The following NCKAP5 variants were observed in gnomAD, a reference collection of about 807,000 sequenced individuals.
The protein encoded by NCKAP5 is NCK associated protein 5.
A neutral mutation model predicts 167.0 loss-of-function variants in NCKAP5; 92 were observed. The ratio of observed to expected loss-of-function variants is 0.55; its 90% CI spans 0.47 to 0.66. NCKAP5 has a LOEUF of 0.66. NCKAP5 is among the 30% of genes least tolerant of loss of function. NCKAP5 has a pLI of 0.00. For missense variants in NCKAP5, 2,378 were observed against 2,315.0 expected (o/e 1.03, Z -0.56); for synonymous variants, 891 against 877.4 (o/e 1.02, Z -0.27).
At chr2:132,834,468 C>G (rs1288867181) in intron 11 of NCKAP5, among the ~76,000 whole-genome samples, 1 of 152,186 alleles carries the variant, frequency 6.6e-6, no homozygotes, top group African/African-American at 2.4e-5. Flanking sequence ...CCTCAGCCTC[C>G]CGAGTACCTG....
chr2:133,550,439 C>T (rs1687188715), intron 2 of NCKAP5, among the ~76,000 whole-genome samples: 1 of 151,684 alleles, frequency 6.6e-6, no homozygotes, highest in Admixed American at 6.6e-5. Context: ...AAGTCTGGTT[C>T]AATATATGCA....
intron 11 of NCKAP5, among the ~76,000 whole-genome samples, chr2:132,844,349 C>T (rs1290608147): frequency 1.3e-5 from 2 of 152,092 alleles, no homozygotes; most frequent in African/African-American, 4.8e-5. Flanking sequence ...AAGAATTCTA[C>T]AAGAAAGATA....
intron 15 of NCKAP5, among the ~76,000 whole-genome samples, chr2:132,774,455 G>C (rs1434058645): frequency 6.6e-6 from 1 of 151,856 alleles, no homozygotes; most frequent in South Asian, 2.1e-4. Context: ...CAGTGAACCA[G>C]AGCAGTGAGT....
chr2:133,550,052 A>T, intron 2 of NCKAP5, among the ~76,000 whole-genome samples: 1 of 151,652 alleles, frequency 6.6e-6, no homozygotes, highest in Non-Finnish European at 1.5e-5. Flanking sequence ...ACCAGGAAGA[A>T]GTTGAATCTC....
chr2:132,732,066 C>T lies in NCKAP5; in HGVS notation c.5129-15G>A, dbSNP rs761794980. The T allele has an allele frequency of 1.3e-6, 2 of 1,595,804 alleles. No individual in the cohort carries two copies. Among genetic ancestry groups the T allele is most frequent in the Admixed American group, 3.4e-5 (2 of 58,504 alleles). On this transcript the variant is annotated splice_polypyrimidine_tract_variant and intron_variant, in intron 16 of 19. Transcript: ENST00000409261. ...GCAGTTGGATTCTGAGATAGAGAGACAGAGAGAGAAGGGAATAGAGAAGGC... is the reference window on the plus strand; with the variant it reads ...GCAGTTGGATTCTGAGATAGAGAGATAGAGAGAGAAGGGAATAGAGAAGGC...
chr2:133,633,592 CA>C, the NCKAP5 span, among the ~76,000 whole-genome samples: 1 of 152,348 alleles, frequency 6.6e-6, no homozygotes, highest in African/African-American at 2.4e-5. Context: ...AGGTAGCCTT[CA>C]TGAAGCGGTT....
chr2:133,033,241 G>T (rs1466151863), intron 6 of NCKAP5, among the ~76,000 whole-genome samples: 2 of 152,170 alleles, frequency 1.3e-5, no homozygotes, highest in Non-Finnish European at 1.5e-5. Flanking sequence ...ATTTTCCTGG[G>T]TCTTAATTAA....
chr2:132,861,083 G>A (rs922923024), intron 10 of NCKAP5, among the ~76,000 whole-genome samples: 3 of 152,114 alleles, frequency 2.0e-5, no homozygotes, highest in Admixed American at 2.0e-4. Flanking sequence ...CGGTGATGGG[G>A]CTAATAGAGT....
intron 6 of NCKAP5, among the ~76,000 whole-genome samples, chr2:133,105,897 G>T (rs2081668691): frequency 1.3e-5 from 2 of 152,026 alleles, no homozygotes; most frequent in Admixed American, 1.3e-4. Context: ...TGTTTATATT[G>T]CGCTTTCACA....
At chr2:133,352,634 T>C (rs111780691) in intron 3 of NCKAP5, among the ~76,000 whole-genome samples, 148 of 152,208 alleles carry the variant, frequency 9.7e-4, no homozygotes, top group African/African-American at 3.3e-3. Flanking sequence ...CTGAGTGTAG[T>C]GGAGGCATGG....
chr2:133,195,968 C>T (rs568580948), intron 5 of NCKAP5, among the ~76,000 whole-genome samples: 15 of 152,168 alleles, frequency 9.9e-5, no homozygotes, highest in East Asian at 9.7e-4. Context: ...ATGGATTCCC[C>T]GGCCACCCAG....
In NCKAP5 at chr2:132,782,977, G is replaced by A. The variant is rs376005925; in HGVS notation, c.3834C>T (p.Phe1278=). The A allele has an allele frequency of 2.0e-5, 33 of 1,613,860 alleles. No homozygotes were observed. The highest frequency in any genetic ancestry group is 2.7e-5 in the Non-Finnish European group (32 of 1,179,888). The change falls in exon 14 of 20, where the codon TTC becomes TTT. Residue 1278 remains phenylalanine (F), a synonymous_variant. Coordinates refer to ENST00000409261, the MANE Select transcript of NCKAP5 (RefSeq NM_207363.3). The part of the protein sequence containing the change: ...MNGAKARSHS[F]STHSGDKPST... Reference sequence around the variant, plus strand: ...AAGGCTTGTCTCCTGAGTGTGTACTGAAGCTGTGGCTGCGGGCTTTGGCGC... The same window carrying A: ...AAGGCTTGTCTCCTGAGTGTGTACTAAAGCTGTGGCTGCGGGCTTTGGCGC...
At chr2:133,328,384 A>G (rs954122416) in intron 3 of NCKAP5, among the ~76,000 whole-genome samples, 6 of 152,206 alleles carry the variant, frequency 3.9e-5, no homozygotes, top group African/African-American at 1.4e-4. Flanking sequence ...TTTGTTTTAA[A>G]CAGAGTAACT....
chr2:132,684,410 G>A (rs1378280058), intron 19 of NCKAP5, among the ~76,000 whole-genome samples: 1 of 152,170 alleles, frequency 6.6e-6, no homozygotes, highest in Non-Finnish European at 1.5e-5. Flanking sequence ...AGTTCACAGG[G>A]TCTTTACATT....
chr2:133,603,125 T>G, the NCKAP5 span, among the ~76,000 whole-genome samples: 1 of 151,700 alleles, frequency 6.6e-6, no homozygotes, highest in African/African-American at 2.4e-5. Flanking sequence ...GGAGGTGAAC[T>G]ACAGAAGGAA....
chr2:132,846,804 T>C (rs1436201486), intron 11 of NCKAP5, among the ~76,000 whole-genome samples: 1 of 152,166 alleles, frequency 6.6e-6, no homozygotes, highest in African/African-American at 2.4e-5. Flanking sequence ...AGTGGCAGAA[T>C]TGGATTAGCT....
intron 16 of NCKAP5, among the ~76,000 whole-genome samples, chr2:132,770,842 A>G (rs1035772357): frequency 1.3e-5 from 2 of 152,218 alleles, no homozygotes; most frequent in African/African-American, 4.8e-5. Flanking sequence ...ATGAAGCTGA[A>G]AAATTCCTAT....
chr2:132,785,459 G>T lies in NCKAP5; in HGVS notation c.1352C>A (p.Pro451His), dbSNP rs769387418. 1.2e-6 allele frequency: 2 copies of T among 1,613,652 alleles called. No homozygotes were observed. The highest frequency in any genetic ancestry group is 2.2e-5 in the South Asian group (2 of 91,054). The change falls in exon 14 of 20, where the codon CCC (proline) becomes CAC (histidine). Residue 451 changes from proline to histidine, a missense_variant. Pro to His is a moderately conservative substitution (Grantham distance 77). Transcript: ENST00000409261. ...GCTCCCCAGGTCAGCTGTTTTGCAGGGGGGATACTCCTTGAGGCTGCTACT... is the reference window on the plus strand; with the variant it reads ...GCTCCCCAGGTCAGCTGTTTTGCAGTGGGGATACTCCTTGAGGCTGCTACT... ...IKSSSLKEYP[P>H]CKTADLGSPC...
intron 11 of NCKAP5, among the ~76,000 whole-genome samples, chr2:132,815,146 GA>G (rs1686165405): frequency 6.6e-6 from 1 of 152,106 alleles, no homozygotes; most frequent in Non-Finnish European, 1.5e-5. Context: ...TACTTTGATG[GA>G]AACTTTTTTC....
Sources: gnomAD v4.1 joint callset for allele counts (sites outside exome capture counted in the v4.1 genomes callset) on GRCh38, gnomAD v4.1.1 for gene constraint, MANE v1.5 for transcripts, NCBI Gene and HGNC (gene_info 2026-07-23, HGNC 2026-07-21) for gene names.